Variants in XKRX observed in about 807,000 individuals in gnomAD.
The protein encoded by XKRX is XK-related protein 2.
XKRX carries 11 observed loss-of-function variants against 22.4 expected under a neutral mutation model. That is an observed-to-expected ratio of 0.49 (90% CI 0.31 to 0.81). The LOEUF is 0.81. XKRX is among the 40% of genes least tolerant of loss of function. XKRX has a pLI of 0.05. For synonymous variants in XKRX, 114 were observed against 132.2 expected (o/e 0.86, Z 0.94); for missense variants, 320 against 336.5 (o/e 0.95, Z 0.38).
At chrX:100,917,287 A>G (rs1160026059) in intron 2 of XKRX, among the ~76,000 whole-genome samples, 2 of 110,124 alleles carry the variant, frequency 1.8e-5, no homozygotes, top group East Asian at 5.7e-4. Flanking sequence ...TCCTTCTCAA[A>G]AAGAAAAAAA....
upstream of XKRX, among the ~76,000 whole-genome samples, chrX:100,933,715 A>G (rs2085528060): frequency 9.0e-6 from 1 of 110,705 alleles, no homozygotes; most frequent in Non-Finnish European, 1.9e-5. Context: ...AATGACATCT[A>G]AATTAGTCTT....
chrX:100,958,149 A>G, the XKRX span, among the ~76,000 whole-genome samples: 33 of 112,531 alleles, frequency 2.9e-4, no homozygotes, highest in East Asian at 9.1e-3. Context: ...GCAAATGGGT[A>G]ATAGTAGAAA....
chrX:100,948,370 A>G, the XKRX span, among the ~76,000 whole-genome samples: 2 of 111,802 alleles, frequency 1.8e-5, no homozygotes, highest in African/African-American at 6.5e-5. Context: ...CTTAAAATAA[A>G]ACAGAAAACC....
upstream of XKRX, among the ~76,000 whole-genome samples, chrX:100,930,992 C>A (rs771873611): frequency 4.9e-4 from 54 of 109,368 alleles, no homozygotes; most frequent in African/African-American, 1.8e-3. Context: ...ATTAGCTGGG[C>A]GTGGTGGTGG....
chrX:100,909,729 C>A (rs1343187195), downstream of XKRX, among the ~76,000 whole-genome samples: 1 of 110,318 alleles, frequency 9.1e-6, no homozygotes, highest in Non-Finnish European at 1.9e-5. Flanking sequence ...CATGGTGAAA[C>A]CCCATCTCTA....
chrX:100,947,071 C>T, the XKRX span, among the ~76,000 whole-genome samples: 950 of 111,974 alleles, frequency 8.5e-3, 9 homozygotes, highest in African/African-American at 0.03. Flanking sequence ...TCAATAATTT[C>T]CAGAGTATCT....
intron 2 of XKRX, among the ~76,000 whole-genome samples, chrX:100,916,954 G>A (rs1047741347): frequency 5.4e-5 from 6 of 111,136 alleles, no homozygotes; most frequent in African/African-American, 1.3e-4. Flanking sequence ...CCCCATCTCC[G>A]CTAAAAATAC....
chrX:100,954,569 T>C, the XKRX span, among the ~76,000 whole-genome samples: 1 of 111,916 alleles, frequency 8.9e-6, no homozygotes, highest in South Asian at 3.7e-4. Context: ...CCTAGGTATA[T>C]AACAAAGAGA....
the XKRX span, chrX:100,957,151 T>C: frequency 1.8e-6 from 2 of 1,117,911 alleles, no homozygotes; most frequent in Admixed American, 2.2e-5. Context: ...CCATCACCTG[T>C]GGAGCAGCAG....
the XKRX span, among the ~76,000 whole-genome samples, chrX:100,892,194 C>T: frequency 1.8e-5 from 2 of 111,967 alleles, no homozygotes; most frequent in Non-Finnish European, 3.8e-5. Flanking sequence ...AGAAAGAAAA[C>T]AAATAACTCA....
the XKRX span, among the ~76,000 whole-genome samples, chrX:100,952,010 G>A: frequency 0.026 from 2,881 of 110,345 alleles, 97 homozygotes; most frequent in African/African-American, 0.089. Flanking sequence ...GCCAGAAAAA[G>A]GGAGGGAATT....
the XKRX span, among the ~76,000 whole-genome samples, chrX:100,903,062 TA>T: frequency 1.9e-4 from 19 of 99,922 alleles, no homozygotes; most frequent in African/African-American, 1.8e-4. Context: ...AACATCTATT[TA>T]AAAAAAAAAA....
At chrX:100,892,929 T>A in the XKRX span, among the ~76,000 whole-genome samples, 5 of 112,349 alleles carry the variant, frequency 4.5e-5, no homozygotes, top group Non-Finnish European at 9.4e-5. Context: ...ATCAACTAAG[T>A]GTCCACCAGT....
chrX:100,939,527 T>C, the XKRX span, among the ~76,000 whole-genome samples: 4 of 111,658 alleles, frequency 3.6e-5, no homozygotes, highest in Non-Finnish European at 7.5e-5. Context: ...CAAAGGAAAC[T>C]GGAGAGGCTA....
chrX:100,891,760 AAG>A, the XKRX span, among the ~76,000 whole-genome samples: 1 of 73,850 alleles, frequency 1.4e-5, no homozygotes, highest in African/African-American at 5.4e-5. Context: ...AAGAAGAAAG[AAG>A]AAAAGAAAGA....
chrX:100,956,224 G>C, the XKRX span, among the ~76,000 whole-genome samples: 2 of 111,314 alleles, frequency 1.8e-5, no homozygotes, highest in African/African-American at 6.5e-5. Flanking sequence ...GGGAGGAGTT[G>C]CATCAGGAAG....
chrX:100,928,338 G>A lies in XKRX; in HGVS notation c.-34C>T. 1.7e-6 allele frequency: 2 copies of A among 1,194,007 alleles called. No homozygotes were observed. Among genetic ancestry groups the A allele is most frequent in the Non-Finnish European group, 2.3e-6 (2 of 886,987 alleles). The stretch of plus-strand genomic sequence containing the variant: ...TTCTTTCTGAATGTTGTGGTCTTGT[G>A]TTCATAGCACCCTCCCACCCATCCC... On this transcript the variant is annotated 5_prime_UTR_variant, in exon 1 of 3. Coordinates refer to ENST00000372956, the MANE Select transcript of XKRX (RefSeq NM_212559.3).
chrX:100,897,106 T>A, the XKRX span, among the ~76,000 whole-genome samples: 1 of 111,238 alleles, frequency 9.0e-6, no homozygotes, highest in African/African-American at 3.3e-5. Context: ...TTGTTATTTT[T>A]AAATTATTAT....
At chrX:100,913,350 C>T (rs1270252822), downstream of XKRX, 2 of 103,485 alleles carry the variant, frequency 1.9e-5, no homozygotes, top group Non-Finnish European at 3.9e-5. Flanking sequence ...GATGTCTCAG[C>T]CATTATTACT....
Sources: gnomAD v4.1 joint callset for allele counts (sites outside exome capture counted in the v4.1 genomes callset) on GRCh38, gnomAD v4.1.1 for gene constraint, MANE v1.5 for transcripts, NCBI Gene and HGNC (gene_info 2026-07-23, HGNC 2026-07-21) for gene names.